AUTS2: variants seen among roughly 807,000 people sequenced by gnomAD.
AUTS2 encodes the protein autism susceptibility gene 2 protein.
Under a neutral mutation model 112.4 loss-of-function variants are expected in AUTS2, and 17 were observed. The ratio of observed to expected loss-of-function variants is 0.15; its 90% CI spans 0.10 to 0.23. The LOEUF is 0.23. AUTS2 is among the 10% of genes least tolerant of loss of function. The pLI is 1.00. For missense variants in AUTS2, 1,510 were observed against 1,701.6 expected, an observed-to-expected ratio of 0.89 and a Z score of 1.98; for synonymous variants, 751 against 702.7, an observed-to-expected ratio of 1.07 and a Z score of -1.09.
chr7:69,965,295 C>T (rs1012905817), intron 2 of AUTS2, among the ~76,000 whole-genome samples: 1 of 152,172 alleles, frequency 6.6e-6, no homozygotes, highest in East Asian at 1.9e-4. Context: ...CATCTCCGTT[C>T]TTGCTAAAGG....
At chr7:70,658,466 C>T (rs139942984) in intron 5 of AUTS2, among the ~76,000 whole-genome samples, 157 of 152,362 alleles carry the variant, frequency 1.0e-3, no homozygotes, top group African/African-American at 3.4e-3. Context: ...CAGCCCCTCA[C>T]GGGGCTGATC....
chr7:70,274,669 G>T (rs191124856), intron 4 of AUTS2, among the ~76,000 whole-genome samples: 15 of 152,226 alleles, frequency 9.9e-5, no homozygotes, highest in Admixed American at 8.5e-4. Flanking sequence ...CAAGCTTAAG[G>T]TCTGTAATGG....
chr7:69,944,060 C>G (rs1228783827), intron 2 of AUTS2, among the ~76,000 whole-genome samples: 2 of 152,106 alleles, frequency 1.3e-5, no homozygotes, highest in Non-Finnish European at 2.9e-5. Context: ...AATGAAGGCC[C>G]AGATAATTAA....
At chr7:70,296,676 T>A (rs911078728) in intron 4 of AUTS2, among the ~76,000 whole-genome samples, 1 of 152,196 alleles carries the variant, frequency 6.6e-6, no homozygotes, top group Admixed American at 6.5e-5. Flanking sequence ...AGGTTGTTTC[T>A]GATTTTTCAC....
chr7:70,673,283 C>G (rs958512374), intron 5 of AUTS2, among the ~76,000 whole-genome samples: 2 of 152,198 alleles, frequency 1.3e-5, no homozygotes, highest in Non-Finnish European at 1.5e-5. Flanking sequence ...ACTGCCCACT[C>G]TCTCCTGTTT....
At position 70,004,120 on chromosome 7, in the gene AUTS2, A is replaced by G. The variant is rs535940030; in HGVS notation, c.522+104622A>G. ...TATATATAATATATATGAATGTGTT[A>G]TATGTGAATATATATAATATATATG... On this transcript the variant is annotated intron_variant, in intron 2 of 18. Transcript: ENST00000342771. 4.4e-3 allele frequency among the ~76,000 whole-genome samples: 574 copies of G among 131,926 alleles called. 4 individuals carry two copies. Among genetic ancestry groups the G allele is most frequent in the Middle Eastern group, 0.032 (3 of 94 alleles). 86.5% of individuals were successfully genotyped at this position (131,926 alleles called of 152,430 possible). A position where few individuals can be genotyped will look rare whatever the true frequency, so the allele number is the denominator to read the frequency against.
intron 1 of AUTS2, among the ~76,000 whole-genome samples, chr7:69,896,028 A>G (rs953378822): frequency 3.9e-5 from 6 of 152,360 alleles, no homozygotes; most frequent in Middle Eastern, 3.4e-3. Flanking sequence ...ATCACATTAT[A>G]TAGAAGCAGC....
intron 5 of AUTS2, among the ~76,000 whole-genome samples, chr7:70,513,462 G>T (rs1222734527): frequency 1.3e-5 from 2 of 152,134 alleles, no homozygotes; most frequent in Non-Finnish European, 2.9e-5. Flanking sequence ...GTAATAAGGG[G>T]ACAGATTTGA....
intron 1 of AUTS2, among the ~76,000 whole-genome samples, chr7:69,729,917 T>G (rs1347822200): frequency 4.0e-5 from 6 of 151,778 alleles, no homozygotes; most frequent in Non-Finnish European, 7.4e-5. Flanking sequence ...GAGCCACATT[T>G]ATGTTTGTCT....
At chr7:69,728,568 G>C (rs1786631371) in intron 1 of AUTS2, among the ~76,000 whole-genome samples, 1 of 151,958 alleles carries the variant, frequency 6.6e-6, no homozygotes, top group African/African-American at 2.4e-5. Context: ...TCAGTCAGAA[G>C]TGATGTTTTC....
chr7:70,675,171 G>A (rs895353948), intron 5 of AUTS2, among the ~76,000 whole-genome samples: 11 of 152,124 alleles, frequency 7.2e-5, no homozygotes, highest in Admixed American at 3.9e-4. Context: ...GGAGAATGCC[G>A]GTGATAAAGC....
At chr7:69,616,854 C>A (rs186247590) in intron 1 of AUTS2, among the ~76,000 whole-genome samples, 59 of 152,096 alleles carry the variant, frequency 3.9e-4, no homozygotes, top group Non-Finnish European at 5.0e-4. Flanking sequence ...TATATTTATA[C>A]TTATGTATTA....
At chr7:70,494,581 C>G (rs879879289) in intron 5 of AUTS2, among the ~76,000 whole-genome samples, 13 of 152,216 alleles carry the variant, frequency 8.5e-5, no homozygotes, top group Admixed American at 2.6e-4. Flanking sequence ...GCCCCTCCCC[C>G]CCGACACTCA....
At chr7:70,742,229 G>C (rs1788156241) in intron 6 of AUTS2, among the ~76,000 whole-genome samples, 1 of 152,080 alleles carries the variant, frequency 6.6e-6, no homozygotes, top group South Asian at 2.1e-4. Flanking sequence ...TTTTTGCTAG[G>C]AGGAATGAAA....
At chr7:69,859,872 G>A (rs528499778) in intron 1 of AUTS2, among the ~76,000 whole-genome samples, 21 of 152,204 alleles carry the variant, frequency 1.4e-4, no homozygotes, top group Non-Finnish European at 2.6e-4. Context: ...AGAGTTTAAG[G>A]ACTGAAAATG....
rs575209543 is a variant in AUTS2 at position 69,964,547 on chromosome 7, C to T, written c.522+65049C>T. ...TTATCTCTTTTTGCATAAAAGGGGT[C>T]CTCGGTTTTCGTGAAGTTTAAAGTC... On this transcript the variant is annotated intron_variant, in intron 2 of 18. Coordinates refer to ENST00000342771, the MANE Select transcript of AUTS2 (RefSeq NM_015570.4). Among the ~76,000 whole-genome samples the T allele has an allele frequency of 7.9e-5, 12 of 152,146 alleles. No individual in the cohort carries two copies. The East Asian group carries it at 2.3e-3, about 29-fold the overall frequency.
At chr7:70,352,739 C>T (rs1791824062) in intron 4 of AUTS2, among the ~76,000 whole-genome samples, 1 of 152,114 alleles carries the variant, frequency 6.6e-6, no homozygotes, top group South Asian at 2.1e-4. Context: ...GTTTAAAAAA[C>T]ATTTTAAATG....
intron 2 of AUTS2, among the ~76,000 whole-genome samples, chr7:70,027,892 T>TTAAG (rs1800593071): frequency 6.6e-6 from 1 of 152,204 alleles, no homozygotes; most frequent in Non-Finnish European, 1.5e-5. Context: ...GTGTTTTTTT[T>TTAAG]TGTTTGTTTT....
intron 4 of AUTS2, among the ~76,000 whole-genome samples, chr7:70,346,125 T>A (rs1036735618): frequency 3.3e-5 from 5 of 152,214 alleles, no homozygotes; most frequent in African/African-American, 1.2e-4. Context: ...TAAGCATTAT[T>A]ATGTGTCTGG....
Sources: gnomAD v4.1 joint callset for allele counts (sites outside exome capture counted in the v4.1 genomes callset) on GRCh38, gnomAD v4.1.1 for gene constraint, MANE v1.5 for transcripts, NCBI Gene and HGNC (gene_info 2026-07-23, HGNC 2026-07-21) for gene names.